Variants in CDKN3 observed in about 807,000 individuals in gnomAD.
CDKN3 encodes the protein cyclin dependent kinase inhibitor 3.
In CDKN3, 19 loss-of-function variants were observed where a neutral mutation model predicts 36.1. The observed-to-expected ratio is 0.53, with a 90% confidence interval of 0.37 to 0.77. The LOEUF is 0.77. Among genes scored for constraint, CDKN3 ranks in the 30% least tolerant of loss-of-function variants. The probability of loss-of-function intolerance (pLI) is 0.00; values close to 1 mark genes in which losing one functional copy is unlikely to be tolerated. For missense variants in CDKN3, 188 were observed against 248.6 expected (o/e 0.76, Z 1.64); for synonymous variants, 71 against 85.3 (o/e 0.83, Z 0.92).
At chr14:54,413,944 G>A (rs2030444591) in intron 5 of CDKN3, 1 of 579,176 alleles carries the variant, frequency 1.7e-6, no homozygotes, top group Non-Finnish European at 2.5e-6. Flanking sequence ...TGAGAGCAGA[G>A]CCATGCCCTC....
intron 1 of CDKN3, 59 bp from the exon 2 acceptor site, chr14:54,399,835 C>G (rs1366254355): frequency 3.6e-6 from 3 of 826,070 alleles, no homozygotes; most frequent in Non-Finnish European, 6.4e-6. Flanking sequence ...CAAGGATTAG[C>G]TATCCTAAAA....
intron 5 of CDKN3, chr14:54,414,014 A>G: frequency 4.7e-6 from 1 of 214,048 alleles, no homozygotes; most frequent in Non-Finnish European, 9.0e-6. Flanking sequence ...CCATCAATCC[A>G]TGGCAGGCCT....
intron 7 of CDKN3, among the ~76,000 whole-genome samples, chr14:54,419,345 C>A (rs1469845867): frequency 1.3e-5 from 2 of 152,186 alleles, no homozygotes; most frequent in African/African-American, 2.4e-5. Flanking sequence ...CTGTGGCAAA[C>A]AGGCTTGCTG....
intron 1 of CDKN3, among the ~76,000 whole-genome samples, chr14:54,398,401 G>A (rs1206097969): frequency 6.6e-5 from 10 of 152,104 alleles, no homozygotes; most frequent in Admixed American, 6.5e-4. Flanking sequence ...TTCTTTCTTG[G>A]GATCTACCTG....
Position 54,417,847 on chromosome 14 carries a change from G to C in CDKN3, c.449-1G>C. 6.4e-7 allele frequency: 1 copy of C among 1,556,952 alleles called. No individual in the cohort carries two copies. The highest frequency in any genetic ancestry group is 2.3e-5 in the East Asian group (1 of 44,102). On this transcript the variant is annotated splice_acceptor_variant, in intron 6 of 7. Coordinates refer to ENST00000335183, the MANE Select transcript of CDKN3 (RefSeq NM_005192.4). LOFTEE classifies it high-confidence loss of function. ...ATTATTTTTCTGTCATGTTCCATTA[G>C]TAGCTGCTTGTCTCCTACTATACCT...
chr14:54,408,848 A>T (rs2139977789), intron 4 of CDKN3, 59 bp downstream of exon 4: 2 of 1,479,004 alleles, frequency 1.4e-6, no homozygotes, highest in Non-Finnish European at 8.9e-7. Flanking sequence ...GCATTGAAAA[A>T]CTCTCTGTCA....
intron 5 of CDKN3, 30 bp from the exon 6 acceptor site, chr14:54,415,869 A>G (rs2030520773): frequency 1.3e-6 from 2 of 1,568,498 alleles, no homozygotes; most frequent in African/African-American, 1.3e-5. Context: ...AATGAAATGT[A>G]CAAACTTCAA....
chr14:54,401,536 A>G lies in CDKN3; in HGVS notation c.105A>G (p.Ser35=). ...TPIHISWLSL[S]RVNCSQFLGL... Reference sequence around the variant, plus strand: ...TTCTTCTTTTCAGGCTATCTTTGTCACGAGTGAATTGTTCTCAGTTTCTCG... The same window carrying G: ...TTCTTCTTTTCAGGCTATCTTTGTCGCGAGTGAATTGTTCTCAGTTTCTCG... Residue 35 remains serine (S), a synonymous_variant, in exon 3 of 8, where the codon TCA becomes TCG. Transcript: ENST00000335183. 1 of 1,609,856 alleles carries G rather than the reference A, an allele frequency of 6.2e-7. No homozygotes were observed.
At chr14:54,415,305 C>G (rs1594608683) in intron 5 of CDKN3, among the ~76,000 whole-genome samples, 2 of 152,200 alleles carry the variant, frequency 1.3e-5, no homozygotes, top group East Asian at 3.8e-4. Flanking sequence ...CATTTGTGAG[C>G]CTCATTTAAT....
chr14:54,410,151 A>T (rs1594605091), intron 4 of CDKN3, among the ~76,000 whole-genome samples: 1 of 152,298 alleles, frequency 6.6e-6, no homozygotes, highest in Middle Eastern at 3.4e-3. Flanking sequence ...TTTTCAAAAT[A>T]CTTTTTTTTC....
At chr14:54,404,640 T>C (rs888185259) in intron 3 of CDKN3, among the ~76,000 whole-genome samples, 2 of 152,132 alleles carry the variant, frequency 1.3e-5, no homozygotes, top group Non-Finnish European at 2.9e-5. Context: ...AATGGCACAA[T>C]CTCGGCTCAC....
At chr14:54,410,094 G>T (rs2030299474) in intron 4 of CDKN3, among the ~76,000 whole-genome samples, 1 of 152,068 alleles carries the variant, frequency 6.6e-6, no homozygotes. Context: ...GTACATTTTG[G>T]AATGTCATAT....
chr14:54,410,940 A>T (rs546419237), intron 4 of CDKN3, among the ~76,000 whole-genome samples: 3 of 152,190 alleles, frequency 2.0e-5, no homozygotes, highest in African/African-American at 7.2e-5. Context: ...GCACTTTGGG[A>T]GGCGGAGGCG....
At chr14:54,403,199 A>G (rs1177156328) in intron 3 of CDKN3, among the ~76,000 whole-genome samples, 1 of 152,098 alleles carries the variant, frequency 6.6e-6, no homozygotes, top group East Asian at 1.9e-4. Context: ...ATGTTTTTCC[A>G]TTTGTTTGTG....
intron 3 of CDKN3, among the ~76,000 whole-genome samples, chr14:54,407,452 C>A (rs547539553): frequency 6.6e-6 from 1 of 152,306 alleles, no homozygotes; most frequent in East Asian, 1.9e-4. Flanking sequence ...CACAGCCATC[C>A]CTTCCGCCAG....
chr14:54,411,160 G>A (rs1400250919), intron 4 of CDKN3: 1 of 194,774 alleles, frequency 5.1e-6, no homozygotes, highest in African/African-American at 3.2e-5. Context: ...CCTGGTGACA[G>A]AGCAAGACTC....
Position 54,413,235 on chromosome 14 carries a change from A to T in CDKN3, c.416+1529A>T, listed in dbSNP as rs111926298. Among the ~76,000 whole-genome samples the T allele has an allele frequency of 7.0e-3, 1,061 of 152,330 alleles. 13 individuals carry two copies. The highest frequency in any genetic ancestry group is 0.023 in the African/African-American group (940 of 41,566). Reference sequence around the variant, plus strand: ...ATTATAAAAGCTAAATTTCAAATAGATCCAGTTGATGATGTGAAAGTTTCT... The same window carrying T: ...ATTATAAAAGCTAAATTTCAAATAGTTCCAGTTGATGATGTGAAAGTTTCT... On this transcript the variant is annotated intron_variant, in intron 5 of 7. Coordinates refer to ENST00000335183, the MANE Select transcript of CDKN3 (RefSeq NM_005192.4).
Position 54,399,978 on chromosome 14 carries a change from T to C in CDKN3, c.92+2T>C. The C allele has an allele frequency of 7.4e-7, 1 of 1,351,936 alleles. No homozygotes were observed. Among genetic ancestry groups the C allele is most frequent in the Non-Finnish European group, 1.1e-6 (1 of 941,542 alleles). The allele number at this position is 1,351,936 out of a possible 1,614,324, so 83.7% of individuals were successfully genotyped here. A position where few individuals can be genotyped will look rare whatever the true frequency, so the allele number is the denominator to read the frequency against. On this transcript the variant is annotated splice_donor_variant, in intron 2 of 7. Transcript: ENST00000335183. LOFTEE classifies it high-confidence loss of function. The stretch of plus-strand genomic sequence containing the variant: ...ACAGACTCCAATTCATATATCATGG[T>C]ATGTTAGCATTTCTGATCAATGATG...
intron 7 of CDKN3, among the ~76,000 whole-genome samples, chr14:54,418,616 T>TAGAATCCGCTC (rs2030626841): frequency 6.6e-6 from 1 of 152,238 alleles, no homozygotes; most frequent in African/African-American, 2.4e-5. Context: ...CTCTCAGCAT[T>TAGAATCCGCTC]AGAATCCGCT....
Sources: gnomAD v4.1 joint callset for allele counts (sites outside exome capture counted in the v4.1 genomes callset) on GRCh38, gnomAD v4.1.1 for gene constraint, MANE v1.5 for transcripts, NCBI Gene and HGNC (gene_info 2026-07-23, HGNC 2026-07-21) for gene names.